MAP2: variants seen among roughly 807,000 people sequenced by gnomAD.
MAP2 encodes the protein microtubule associated protein 2.
Under a neutral mutation model 137.6 loss-of-function variants are expected in MAP2, and 14 were observed. The observed-to-expected ratio is 0.10, with a 90% CI of 0.07 to 0.16. The LOEUF is 0.16. MAP2 is among the 10% of genes least tolerant of loss of function. The probability of loss-of-function intolerance (pLI) is 1.00; values close to 1 mark genes in which losing one functional copy is unlikely to be tolerated. For synonymous variants in MAP2, 786 were observed against 782.3 expected (o/e 1.00, Z -0.08); for missense variants, 2,088 against 2,191.5 (o/e 0.95, Z 0.94).
chr2:209,713,144 A>T (rs1373154227), intron 13 of MAP2, among the ~76,000 whole-genome samples: 2 of 152,204 alleles, frequency 1.3e-5, no homozygotes. Flanking sequence ...AATTTGAAGC[A>T]ATTAGGTTGT....
At chr2:209,723,732 C>A in intron 13 of MAP2, 1 of 1,319,208 alleles carries the variant, frequency 7.6e-7, no homozygotes, top group South Asian at 1.2e-5. Flanking sequence ...TTGCGTGGAG[C>A]CACCTGCACA....
chr2:209,465,146 C>A (rs1703808888), intron 1 of MAP2, among the ~76,000 whole-genome samples: 1 of 151,944 alleles, frequency 6.6e-6, no homozygotes, highest in Admixed American at 6.6e-5. Flanking sequence ...TTAATCCAGT[C>A]CCTTTTCTTT....
chr2:209,563,822 T>C (rs2153354571), intron 2 of MAP2, among the ~76,000 whole-genome samples: 1 of 152,016 alleles, frequency 6.6e-6, no homozygotes, highest in South Asian at 2.1e-4. Flanking sequence ...TATACTTTGC[T>C]TTGCGTTGAA....
intron 3 of MAP2, among the ~76,000 whole-genome samples, chr2:209,601,559 G>A (rs545353261): frequency 6.6e-6 from 1 of 152,242 alleles, no homozygotes; most frequent in African/African-American, 2.4e-5. Flanking sequence ...CAGTGAGCTT[G>A]CAAATCAATA....
intron 4 of MAP2, among the ~76,000 whole-genome samples, chr2:209,645,535 G>A (rs1443945620): frequency 6.6e-6 from 1 of 151,938 alleles, no homozygotes; most frequent in African/African-American, 2.4e-5. Context: ...TATCTGAAAG[G>A]TCTAAAATAT....
chr2:209,540,692 T>G (rs970971622), intron 2 of MAP2, among the ~76,000 whole-genome samples: 6 of 144,802 alleles, frequency 4.1e-5, no homozygotes, highest in Non-Finnish European at 5.9e-5. Context: ...CACAGCACTT[T>G]ATTTTGATGT....
In MAP2 at chr2:209,695,841, C is replaced by G; in HGVS notation, c.3671C>G (p.Thr1224Arg). ...GATGTTGCAGAGCCATTGCATGAAA[C>G]GATCGTATCTGAACCAGCAGAGATT... is the stretch of plus-strand genomic sequence containing the variant. ...PSDVAEPLHE[T>R]IVSEPAEIQS... is the part of the protein sequence containing the mutation. The change falls in exon 8 of 16, where the codon ACG becomes AGG. Residue 1224 changes from threonine (T) to arginine (R), a missense_variant. This residue lies in a region of MAP2 where 591 missense variants were observed against 642.6 expected (regional missense o/e 0.92). Transcript: ENST00000682079. 6.2e-7 allele frequency: 1 copy of G among 1,614,052 alleles called. No individual in the cohort carries two copies. The highest frequency in any genetic ancestry group is 8.5e-7 in the Non-Finnish European group (1 of 1,179,998).
intron 13 of MAP2, chr2:209,710,825 T>C (rs970413902): frequency 2.6e-5 from 4 of 153,382 alleles, no homozygotes; most frequent in African/African-American, 9.7e-5. Context: ...TTGTAGACTT[T>C]GAACTTCTAT....
intron 1 of MAP2, among the ~76,000 whole-genome samples, chr2:209,465,268 T>TA (rs906775525): frequency 1.3e-5 from 2 of 151,646 alleles, no homozygotes; most frequent in Admixed American, 6.6e-5. Flanking sequence ...TACTTTTGTC[T>TA]AAAAAAAAGT....
intron 1 of MAP2, among the ~76,000 whole-genome samples, chr2:209,431,442 A>G (rs1694255846): frequency 6.6e-6 from 1 of 152,180 alleles, no homozygotes. Context: ...TTACAAATAC[A>G]TTCTTTATTT....
At chr2:209,702,603 A>G (rs573207870) in intron 11 of MAP2, among the ~76,000 whole-genome samples, 1 of 152,126 alleles carries the variant, frequency 6.6e-6, no homozygotes, top group African/African-American at 2.4e-5. Flanking sequence ...CCCACCCATA[A>G]TCCTGCATTT....
At chr2:209,684,149 A>G (rs1455107013) in intron 7 of MAP2, among the ~76,000 whole-genome samples, 1 of 152,174 alleles carries the variant, frequency 6.6e-6, no homozygotes, top group Non-Finnish European at 1.5e-5. Context: ...TGGCCTAATC[A>G]TAATAGTTGT....
intron 2 of MAP2, among the ~76,000 whole-genome samples, chr2:209,545,638 C>T (rs749297155): frequency 6.6e-6 from 1 of 152,072 alleles, no homozygotes; most frequent in Non-Finnish European, 1.5e-5. Flanking sequence ...ATAAAACCTA[C>T]CTTATTGTTT....
At chr2:209,668,028 T>C (rs1372744274) in intron 5 of MAP2, among the ~76,000 whole-genome samples, 1 of 152,052 alleles carries the variant, frequency 6.6e-6, no homozygotes, top group East Asian at 1.9e-4. Flanking sequence ...TACATTTTTC[T>C]CAACTCTACC....
intron 2 of MAP2, among the ~76,000 whole-genome samples, chr2:209,543,197 T>C (rs1199115595): frequency 6.6e-6 from 1 of 152,064 alleles, no homozygotes; most frequent in Non-Finnish European, 1.5e-5. Flanking sequence ...GAGAGAGAAA[T>C]AGGGGAAAGG....
chr2:209,616,322 A>G (rs1457997347), intron 3 of MAP2, among the ~76,000 whole-genome samples: 1 of 152,268 alleles, frequency 6.6e-6, no homozygotes, highest in Admixed American at 6.5e-5. Context: ...CCAAAAAGTT[A>G]GAAGGCTTAA....
chr2:209,542,653 C>T (rs924580194), intron 2 of MAP2, among the ~76,000 whole-genome samples: 1 of 152,254 alleles, frequency 6.6e-6, no homozygotes, highest in Non-Finnish European at 1.5e-5. Flanking sequence ...TCTCCACTAG[C>T]ACCTGCTGCT....
At chr2:209,710,460 T>C (rs2065050090) in intron 13 of MAP2, 3 of 535,698 alleles carry the variant, frequency 5.6e-6, no homozygotes, top group Non-Finnish European at 9.7e-6. Context: ...CTTCTGTTTG[T>C]TACTGGGTAA....
intron 13 of MAP2, among the ~76,000 whole-genome samples, chr2:209,719,460 T>A (rs1477719650): frequency 1.3e-5 from 2 of 152,248 alleles, no homozygotes; most frequent in African/African-American, 4.8e-5. Flanking sequence ...ATTGTTTTAC[T>A]AAAAATTGTA....
Sources: allele counts gnomAD v4.1 joint callset (sites outside exome capture counted in the v4.1 genomes callset), GRCh38; gene constraint gnomAD v4.1.1; regional missense constraint gnomAD v4.1.1; transcripts MANE v1.5; gene names NCBI Gene and HGNC (gene_info 2026-07-23, HGNC 2026-07-21).